Variants in PTPRE observed in about 807,000 individuals in gnomAD.
PTPRE encodes receptor-type tyrosine-protein phosphatase epsilon.
In PTPRE, 51 loss-of-function variants were observed where a neutral mutation model predicts 102.0. That is an observed-to-expected ratio of 0.50 (90% CI 0.40 to 0.63). The LOEUF is 0.63. Ranked by LOEUF, PTPRE falls within the 30% of genes least tolerant of loss-of-function variation. The pLI is 0.00. For missense variants in PTPRE, 752 were observed against 915.1 expected (o/e 0.82, Z 2.30); for synonymous variants, 345 against 348.2 (o/e 0.99, Z 0.10).
chr10:127,939,136 G>A (rs1448082969), intron 1 of PTPRE, among the ~76,000 whole-genome samples: 1 of 152,168 alleles, frequency 6.6e-6, no homozygotes, highest in East Asian at 1.9e-4. Flanking sequence ...AGCATAACAT[G>A]CCATTGAAAT....
chr10:128,050,104 A>G (rs1483794713), intron 6 of PTPRE, among the ~76,000 whole-genome samples: 2 of 141,488 alleles, frequency 1.4e-5, no homozygotes, highest in East Asian at 2.2e-4. Context: ...CTGAACCACC[A>G]TCTCGGCATT....
intron 1 of PTPRE, among the ~76,000 whole-genome samples, chr10:127,911,795 G>A (rs1354413253): frequency 1.3e-5 from 2 of 152,206 alleles, no homozygotes; most frequent in African/African-American, 4.8e-5. Flanking sequence ...GGTACATGTA[G>A]CGTGCTGCCA....
chr10:128,045,380 G>A (rs1346517787), intron 3 of PTPRE, among the ~76,000 whole-genome samples: 2 of 152,246 alleles, frequency 1.3e-5, no homozygotes, highest in African/African-American at 4.8e-5. Context: ...AGGACCCCAT[G>A]AGTTGGCTTG....
At chr10:128,065,308 A>G (rs1157063754) in intron 10 of PTPRE, among the ~76,000 whole-genome samples, 3 of 152,188 alleles carry the variant, frequency 2.0e-5, no homozygotes, top group African/African-American at 7.2e-5. Flanking sequence ...GGCTTGTTCC[A>G]TTCCAGACAT....
intron 1 of PTPRE, among the ~76,000 whole-genome samples, chr10:127,946,825 G>A (rs1848655672): frequency 6.6e-6 from 1 of 152,150 alleles, no homozygotes; most frequent in Admixed American, 6.5e-5. Context: ...CTTGAGCCCA[G>A]GAGTTCGAGA....
chr10:128,007,927 G>A (rs1332782320), intron 2 of PTPRE, among the ~76,000 whole-genome samples: 2 of 152,198 alleles, frequency 1.3e-5, no homozygotes, highest in East Asian at 3.9e-4. Context: ...GGCACCTTCT[G>A]CCTCACACAC....
At chr10:127,947,617 C>A (rs2135326515) in intron 1 of PTPRE, among the ~76,000 whole-genome samples, 1 of 152,298 alleles carries the variant, frequency 6.6e-6, no homozygotes, top group Admixed American at 6.5e-5. Flanking sequence ...CATAACTTTT[C>A]TGTGCCCGGC....
Position 128,070,942 on chromosome 10 carries a change from G to T in PTPRE, c.1387+41G>T, listed in dbSNP as rs764698481. On this transcript the variant is annotated intron_variant, in intron 15 of 20. Coordinates refer to ENST00000254667, the MANE Select transcript of PTPRE (RefSeq NM_006504.6). This position sits in a 1 kb window ranked among gnomAD's most constrained non-coding sequence, Gnocchi z 4.8. ...CGTGGCTTGGGCAGGGCTGGGGCGG[G>T]GCTGGTGCCGGAGGCTTTCATCCTG... 1.3e-6 allele frequency: 2 copies of T among 1,570,948 alleles called. No homozygotes were observed. Among genetic ancestry groups the T allele is most frequent in the Non-Finnish European group, 1.8e-6 (2 of 1,142,434 alleles).
At chr10:128,036,007 A>C (rs755135753) in intron 2 of PTPRE, among the ~76,000 whole-genome samples, 1 of 152,178 alleles carries the variant, frequency 6.6e-6, no homozygotes, top group Non-Finnish European at 1.5e-5. Flanking sequence ...CAGGTCGCTC[A>C]ACCTCAAAAT....
chr10:128,069,555 C>T, intron 12 of PTPRE, 137 bp from the exon 13 acceptor site: 1 of 1,213,262 alleles, frequency 8.2e-7, no homozygotes. Flanking sequence ...GGTGGCTGCA[C>T]TGTAGCTTTG....
At chr10:128,073,511 T>C in intron 17 of PTPRE, 40 bp downstream of exon 17, 1 of 1,600,466 alleles carries the variant, frequency 6.2e-7, no homozygotes, top group Non-Finnish European at 8.5e-7. Flanking sequence ...CAGGGCAGCC[T>C]GTGCACCTGA....
intron 2 of PTPRE, among the ~76,000 whole-genome samples, chr10:127,996,221 G>A (rs77734255): frequency 0.095 from 14,430 of 152,252 alleles, 909 homozygotes; most frequent in Non-Finnish European, 0.13. Flanking sequence ...TTGGCAACAC[G>A]TAACTTTACC....
At chr10:127,918,532 C>G (rs1406869999) in intron 1 of PTPRE, among the ~76,000 whole-genome samples, 1 of 148,690 alleles carries the variant, frequency 6.7e-6, no homozygotes, top group Admixed American at 6.8e-5. Context: ...GCACTCCAGC[C>G]TGGGCGACAG....
chr10:127,923,262 G>A (rs1163429043), intron 1 of PTPRE, among the ~76,000 whole-genome samples: 5 of 152,220 alleles, frequency 3.3e-5, no homozygotes, highest in African/African-American at 9.6e-5. Flanking sequence ...AGGCTTCCCA[G>A]AAGCAGACAG....
At chr10:128,058,612 A>T (rs4750934) in intron 7 of PTPRE, among the ~76,000 whole-genome samples, 50,856 of 152,124 alleles carry the variant, frequency 0.33, 9,073 homozygotes, top group Admixed American at 0.5. Context: ...CATCAGGAAG[A>T]CTTAAGGCTG....
intron 1 of PTPRE, among the ~76,000 whole-genome samples, chr10:127,942,668 T>G (rs557852834): frequency 6.6e-6 from 1 of 152,208 alleles, no homozygotes; most frequent in African/African-American, 2.4e-5. Flanking sequence ...CCTAGAGTAG[T>G]CAAATTTGTA....
chr10:127,935,237 C>A (rs1033665255), intron 1 of PTPRE, among the ~76,000 whole-genome samples: 10 of 152,132 alleles, frequency 6.6e-5, no homozygotes, highest in African/African-American at 2.2e-4. Flanking sequence ...GCCGGGGCTT[C>A]CAGCTCCCGT....
chr10:127,963,802 CAG>C (rs1404997833), intron 1 of PTPRE, among the ~76,000 whole-genome samples: 1 of 152,180 alleles, frequency 6.6e-6, no homozygotes, highest in East Asian at 1.9e-4. Context: ...GAGCACAGCT[CAG>C]TGTCCCTGTC....
intron 2 of PTPRE, among the ~76,000 whole-genome samples, chr10:128,005,677 C>T (rs936434986): frequency 6.6e-6 from 1 of 152,184 alleles, no homozygotes; most frequent in Non-Finnish European, 1.5e-5. Flanking sequence ...GCCCAAGGAC[C>T]CTCAGTCTGG....
Sources: allele counts gnomAD v4.1 joint callset (sites outside exome capture counted in the v4.1 genomes callset), GRCh38; gene constraint gnomAD v4.1.1; non-coding constraint Gnocchi (gnomAD v3.1); transcripts MANE v1.5; gene names NCBI Gene and HGNC (gene_info 2026-07-23, HGNC 2026-07-21).